The following RMDN2 variants were observed in gnomAD, a reference collection of about 807,000 sequenced individuals.
RMDN2 encodes the protein regulator of microtubule dynamics protein 2.
Under a neutral mutation model 52.8 loss-of-function variants are expected in RMDN2, and 61 were observed. That is an observed-to-expected ratio of 1.16 (90% CI 0.94 to 1.43). The LOEUF is 1.43. Ranked by LOEUF, RMDN2 falls within the 40% of genes most tolerant of loss-of-function variation. The pLI is 0.00. For synonymous variants in RMDN2, 180 were observed against 153.1 expected (o/e 1.18, Z -1.30); for missense variants, 592 against 475.3 (o/e 1.25, Z -2.28).
intron 2 of RMDN2, among the ~76,000 whole-genome samples, chr2:37,933,767 AGAGG>A (rs1335062538): frequency 6.6e-6 from 1 of 150,398 alleles, no homozygotes; most frequent in Admixed American, 6.6e-5. Context: ...CCGTGGAAAG[AGAGG>A]GAGAGAGAGA....
At chr2:37,947,821 A>G (rs6716296) in intron 2 of RMDN2, among the ~76,000 whole-genome samples, 97,178 of 152,044 alleles carry the variant, frequency 0.64, 31,743 homozygotes, top group East Asian at 0.87. Flanking sequence ...AACTCAGTCA[A>G]TTTTTAGTTT....
intron 2 of RMDN2, among the ~76,000 whole-genome samples, chr2:37,933,396 G>A (rs1667010425): frequency 6.6e-6 from 1 of 152,212 alleles, no homozygotes; most frequent in Admixed American, 6.5e-5. Flanking sequence ...CTGCAATCTC[G>A]GCACTTTGGG....
At chr2:38,049,820 C>T (rs1017896024) in intron 10 of RMDN2, among the ~76,000 whole-genome samples, 1 of 152,174 alleles carries the variant, frequency 6.6e-6, no homozygotes, top group African/African-American at 2.4e-5. Context: ...CCTCCCACAT[C>T]AGCCTCCCAA....
At chr2:38,017,016 C>G (rs1160956954) in intron 10 of RMDN2, among the ~76,000 whole-genome samples, 170 bp from the exon 11 acceptor site, 1 of 152,028 alleles carries the variant, frequency 6.6e-6, no homozygotes, top group Non-Finnish European at 1.5e-5. Flanking sequence ...TAATAAAACA[C>G]TGTCAATGTC....
At chr2:38,021,091 C>T (rs1020554471), downstream of RMDN2, among the ~76,000 whole-genome samples, 1 of 152,184 alleles carries the variant, frequency 6.6e-6, no homozygotes, top group Non-Finnish European at 1.5e-5. Context: ...CTGTGTCTAG[C>T]TCAGGGTTTG....
chr2:38,006,230 T>A (rs1397342950), intron 10 of RMDN2, among the ~76,000 whole-genome samples: 1 of 152,216 alleles, frequency 6.6e-6, no homozygotes, highest in Admixed American at 6.5e-5. Context: ...TTTTTTCCAA[T>A]TCTGTGAAGA....
intron 10 of RMDN2, among the ~76,000 whole-genome samples, chr2:38,016,923 T>C (rs1020322545): frequency 3.3e-5 from 5 of 151,900 alleles, no homozygotes; most frequent in African/African-American, 7.3e-5. Context: ...CTCCAGGACA[T>C]GTGAGGATTA....
intron 5 of RMDN2, among the ~76,000 whole-genome samples, chr2:37,982,984 G>A (rs1673530186): frequency 6.6e-6 from 1 of 152,028 alleles, no homozygotes. Flanking sequence ...GATGCAGAAA[G>A]AACACCGAAG....
chr2:38,049,286 G>T (rs550544286), intron 10 of RMDN2, among the ~76,000 whole-genome samples: 1 of 152,272 alleles, frequency 6.6e-6, no homozygotes, highest in African/African-American at 2.4e-5. Context: ...GGGAGGGAAA[G>T]TTAGGACCAT....
chr2:37,953,370 T>A (rs558143026), intron 2 of RMDN2, among the ~76,000 whole-genome samples: 1 of 152,140 alleles, frequency 6.6e-6, no homozygotes, highest in Admixed American at 6.6e-5. Context: ...CTAGCCCTTG[T>A]CAACCATCAC....
At chr2:38,003,550 A>T (rs867954933) in intron 8 of RMDN2, among the ~76,000 whole-genome samples, 47 of 109,170 alleles carry the variant, frequency 4.3e-4, no homozygotes, top group African/African-American at 1.8e-3. Flanking sequence ...AAGACCTGAT[A>T]GATAGATAGA....
At chr2:37,999,156 A>G (rs868301153) in intron 8 of RMDN2, among the ~76,000 whole-genome samples, 4 of 152,370 alleles carry the variant, frequency 2.6e-5, no homozygotes, top group South Asian at 4.1e-4. Flanking sequence ...GATGAAATCA[A>G]AAGTGGTAAG....
intron 10 of RMDN2, among the ~76,000 whole-genome samples, chr2:38,008,005 T>G (rs917725050): frequency 3.9e-5 from 6 of 152,144 alleles, no homozygotes; most frequent in African/African-American, 2.4e-5. Context: ...TTTCCATGTA[T>G]TTGAGGGGTT....
intron 10 of RMDN2, among the ~76,000 whole-genome samples, chr2:38,023,728 A>C (rs1679561863): frequency 6.6e-6 from 1 of 152,210 alleles, no homozygotes; most frequent in Non-Finnish European, 1.5e-5. Flanking sequence ...CCCTCAACCT[A>C]TGTTTTGCTT....
chr2:37,998,050 T>C (rs1675810909), intron 8 of RMDN2: 1 of 156,500 alleles, frequency 6.4e-6, no homozygotes, highest in African/African-American at 2.4e-5. Context: ...ATCGCTGTAC[T>C]ATACAACTCT....
intron 2 of RMDN2, among the ~76,000 whole-genome samples, chr2:37,964,028 G>GC (rs1201238434): frequency 6.7e-6 from 1 of 149,984 alleles, no homozygotes; most frequent in Non-Finnish European, 1.5e-5. Context: ...GGCTGGCCTG[G>GC]CGGGGGCTGC....
At chr2:38,018,176 C>T (rs1249230568), downstream of RMDN2, among the ~76,000 whole-genome samples, 1 of 152,196 alleles carries the variant, frequency 6.6e-6, no homozygotes, top group East Asian at 1.9e-4. Context: ...GATGGCTTAG[C>T]TTGGGCTGAG....
intron 10 of RMDN2, among the ~76,000 whole-genome samples, chr2:38,058,112 C>CT (rs1681911869): frequency 6.6e-6 from 1 of 152,216 alleles, no homozygotes; most frequent in African/African-American, 2.4e-5. Context: ...GAAATTTAAC[C>CT]TTTTTTCTTT....
chr2:37,970,276 T>C (rs1259773132), intron 2 of RMDN2, among the ~76,000 whole-genome samples: 1 of 152,178 alleles, frequency 6.6e-6, no homozygotes, highest in Non-Finnish European at 1.5e-5. Context: ...TGTTGGAATT[T>C]ATTGGAAAAA....
Sources: gnomAD v4.1 joint callset for allele counts (sites outside exome capture counted in the v4.1 genomes callset) on GRCh38, gnomAD v4.1.1 for gene constraint, MANE v1.5 for transcripts, NCBI Gene and HGNC (gene_info 2026-07-23, HGNC 2026-07-21) for gene names.